The following EDNRB variants were observed in gnomAD, a reference collection of about 807,000 sequenced individuals.
The protein encoded by EDNRB is endothelin receptor type B, also known as Hirschsprung disease 2.
In EDNRB, 18 loss-of-function variants were observed where a neutral mutation model predicts 46.4. That is an observed-to-expected ratio of 0.39 (90% confidence interval 0.27 to 0.57). The LOEUF is 0.57. Ranked by LOEUF, EDNRB falls within the 20% of genes least tolerant of loss-of-function variation. The pLI, the probability that EDNRB is intolerant of heterozygous loss-of-function variation, is 0.61. For missense variants in EDNRB, 434 were observed against 537.5 expected (o/e 0.81, Z 1.90); for synonymous variants, 213 against 204.9 (o/e 1.04, Z -0.34).
intron 1 of EDNRB, among the ~76,000 whole-genome samples, chr13:77,966,165 A>G (rs1490202853): frequency 6.6e-6 from 1 of 152,162 alleles, no homozygotes; most frequent in Non-Finnish European, 1.5e-5. Flanking sequence ...CTGGGATTAC[A>G]GGGGTGAGCC....
intron 1 of EDNRB, among the ~76,000 whole-genome samples, chr13:77,932,458 G>A (rs754729267): frequency 6.6e-5 from 10 of 152,064 alleles, no homozygotes; most frequent in Non-Finnish European, 1.2e-4. Flanking sequence ...ATTTATTTAT[G>A]TCTACTTTAT....
chr13:77,937,848 G>A (rs576814181), intron 1 of EDNRB, among the ~76,000 whole-genome samples: 12 of 152,194 alleles, frequency 7.9e-5, no homozygotes, highest in African/African-American at 2.4e-4. Flanking sequence ...CAGGCAGGAG[G>A]GAAAGAAGGA....
chr13:77,905,399 T>A (rs1188169830), intron 1 of EDNRB, among the ~76,000 whole-genome samples: 4 of 152,100 alleles, frequency 2.6e-5, no homozygotes, highest in South Asian at 2.1e-4. Context: ...ATTATCAAAA[T>A]ACATCTGTGA....
rs928602727 is a variant in EDNRB at position 77,918,816 on chromosome 13, C to T, written c.-243G>A. 4 of 1,306,316 alleles carry T rather than the reference C, an allele frequency of 3.1e-6. No homozygotes were observed. The highest frequency in any genetic ancestry group is 3.9e-6 in the Non-Finnish European group (4 of 1,032,286). 80.9% of individuals were successfully genotyped at this position (1,306,316 alleles called of 1,614,324 possible). The stretch of plus-strand genomic sequence containing the variant: ...GGTCGAAACTCCTTCCTGATGCCCT[C>T]TCAGCTGTTTTTCTTCCCCCGCGTG... On this transcript the variant is annotated 5_prime_UTR_variant, in exon 1 of 7. Transcript: ENST00000646607. This position sits in a 1 kb window ranked among gnomAD's most constrained non-coding sequence, Gnocchi z 4.5.
At chr13:77,902,016 A>C (rs554387859) in intron 3 of EDNRB, among the ~76,000 whole-genome samples, 4 of 152,044 alleles carry the variant, frequency 2.6e-5, no homozygotes, top group Admixed American at 2.6e-4. Context: ...TGTTGGGAAG[A>C]GCCTTTTACA....
At chr13:77,927,177 CT>C (rs1215676591) in intron 1 of EDNRB, among the ~76,000 whole-genome samples, 2 of 152,130 alleles carry the variant, frequency 1.3e-5, no homozygotes, top group South Asian at 4.1e-4. Context: ...TGTTGATTAC[CT>C]AGTTATCTAC....
intron 1 of EDNRB, among the ~76,000 whole-genome samples, chr13:77,940,731 G>GTA (rs1880722740): frequency 9.2e-6 from 1 of 109,122 alleles, no homozygotes; most frequent in Admixed American, 9.4e-5. Context: ...GTGTGTGTGT[G>GTA]TGTGTGTGTA....
chr13:77,928,588 C>T (rs1450614978), intron 1 of EDNRB, among the ~76,000 whole-genome samples: 1 of 152,150 alleles, frequency 6.6e-6, no homozygotes, highest in Non-Finnish European at 1.5e-5. Context: ...GCCCTAACAA[C>T]ACATTTAAGT....
chr13:77,948,279 T>A (rs1403412621), intron 1 of EDNRB, among the ~76,000 whole-genome samples: 9 of 152,228 alleles, frequency 5.9e-5, no homozygotes. Context: ...GAGTTAATGA[T>A]GTTATGGGTT....
At chr13:77,904,582 T>C (rs931365567) in intron 1 of EDNRB, among the ~76,000 whole-genome samples, 4 of 151,838 alleles carry the variant, frequency 2.6e-5, no homozygotes, top group Non-Finnish European at 2.9e-5. Flanking sequence ...ATTATAGATA[T>C]ATATTTATAC....
chr13:77,930,639 C>T (rs11618814), intron 1 of EDNRB, among the ~76,000 whole-genome samples: 7,193 of 152,270 alleles, frequency 0.047, 225 homozygotes, highest in Admixed American at 0.074. Flanking sequence ...TAGTGCAGAG[C>T]TGAAACTGAA....
intron 1 of EDNRB, among the ~76,000 whole-genome samples, chr13:77,906,291 A>G (rs1212174746): frequency 6.6e-6 from 1 of 151,994 alleles, no homozygotes. Flanking sequence ...TTACCCTTAG[A>G]AATAAGAATA....
intron 1 of EDNRB, among the ~76,000 whole-genome samples, chr13:77,953,188 C>A (rs1044075146): frequency 6.6e-6 from 1 of 152,150 alleles, no homozygotes; most frequent in South Asian, 2.1e-4. Flanking sequence ...AGATTTAATG[C>A]CAAAAACTAG....
At chr13:77,958,918 G>A (rs1364916482) in intron 1 of EDNRB, among the ~76,000 whole-genome samples, 1 of 152,152 alleles carries the variant, frequency 6.6e-6, no homozygotes, top group African/African-American at 2.4e-5. Flanking sequence ...TATGGAATAT[G>A]TATTTACAAG....
chr13:77,931,278 C>T (rs930113016), intron 1 of EDNRB, among the ~76,000 whole-genome samples: 6 of 152,088 alleles, frequency 3.9e-5, no homozygotes, highest in South Asian at 4.1e-4. Context: ...CCCAAATCTG[C>T]CTTTCCTTGC....
chr13:77,950,899 G>A (rs144471952), intron 1 of EDNRB, among the ~76,000 whole-genome samples: 94 of 152,308 alleles, frequency 6.2e-4, no homozygotes, highest in African/African-American at 2.1e-3. Flanking sequence ...CGGTTCCCAT[G>A]AAGGAGGCAG....
chr13:77,899,274 T>C (rs1204771591), intron 6 of EDNRB, among the ~76,000 whole-genome samples: 1 of 151,918 alleles, frequency 6.6e-6, no homozygotes, highest in Non-Finnish European at 1.5e-5. Context: ...GAGGGGATAT[T>C]TTATTTCATG....
chr13:77,900,006 C>T (rs1445319088), intron 5 of EDNRB, 39 bp from the exon 6 acceptor site: 3 of 1,526,532 alleles, frequency 2.0e-6, no homozygotes, highest in Non-Finnish European at 2.7e-6. Context: ...GAAAAATATG[C>T]TATTCTGAAC....
rs147043827 is a variant in EDNRB, at chr13:77,934,504, A to G, written c.-51-15880T>C. 9.3e-3 allele frequency among the ~76,000 whole-genome samples: 1,419 copies of G among 152,204 alleles called. 32 individuals carry two copies. The highest frequency in any genetic ancestry group is 0.032 in the African/African-American group (1,310 of 41,534). On this transcript the variant is annotated intron_variant, in intron 1 of 7. Transcript: ENST00000646948. ...CAAACTGAGGAATTATGTCTGACAG[A>G]AGGGAAGAAATGACCACGGTGACCT... is the stretch of plus-strand genomic sequence containing the variant.
Sources: gnomAD v4.1 joint callset for allele counts (sites outside exome capture counted in the v4.1 genomes callset) on GRCh38, gnomAD v4.1.1 for gene constraint, Gnocchi (gnomAD v3.1) non-coding constraint, MANE v1.5 for transcripts, NCBI Gene and HGNC (gene_info 2026-07-23, HGNC 2026-07-21) for gene names.